Variants in IRAG2 observed in about 807,000 individuals in gnomAD.
The protein encoded by IRAG2 is lymphoid restricted membrane protein.
IRAG2 carries 45 observed loss-of-function variants against 69.9 expected under a neutral mutation model. The observed-to-expected ratio is 0.64, with a 90% CI of 0.51 to 0.83. IRAG2 has a LOEUF of 0.83. Among genes scored for constraint, IRAG2 ranks in the 40% least tolerant of loss-of-function variants. The pLI, the probability that IRAG2 is intolerant of heterozygous loss-of-function variation, is 0.00. For missense variants in IRAG2, 520 were observed against 587.0 expected (o/e 0.89, Z 1.18); for synonymous variants, 193 against 202.4 (o/e 0.95, Z 0.40).
In IRAG2 at chr12:25,079,523, G is replaced by A. The variant is rs376504871; in HGVS notation, c.136+61G>A. The A allele has an allele frequency of 2.2e-4, 331 of 1,482,768 alleles. 1 individual carries two copies. The Middle Eastern group carries it at 3.1e-3, about 14-fold the overall frequency. The allele number at this position is 1,482,768 out of a possible 1,614,324, so 91.9% of individuals were successfully genotyped here. ...TTAGTATTACAGCTTTCAGCCTGATGTTCTGTGACCTGCTGGGGTGTGAGC... is the reference window on the plus strand; with the variant it reads ...TTAGTATTACAGCTTTCAGCCTGATATTCTGTGACCTGCTGGGGTGTGAGC... On this transcript the variant is annotated intron_variant, in intron 8 of 21. Transcript: ENST00000556887.
chr12:25,004,429 G>T, exon 1 of IRAG2: 3 of 1,232,088 alleles, frequency 2.4e-6, no homozygotes, highest in Non-Finnish European at 3.0e-6. Context: ...CAAGAGAGAA[G>T]CAATTTCAAA....
At chr12:25,004,896 A>T in exon 1 of IRAG2, 1 of 1,231,534 alleles carries the variant, frequency 8.1e-7, no homozygotes, top group Non-Finnish European at 1.0e-6. Context: ...TGGTAAAAAA[A>T]TTATCTCTGA....
At chr12:25,074,408 G>T (rs1038136833) in intron 6 of IRAG2, among the ~76,000 whole-genome samples, 1 of 152,048 alleles carries the variant, frequency 6.6e-6, no homozygotes, top group Non-Finnish European at 1.5e-5. Context: ...TGTTCTTCAG[G>T]CCTCACCGAC....
intron 2 of IRAG2, among the ~76,000 whole-genome samples, chr12:25,008,341 C>A (rs925439274): frequency 3.3e-5 from 5 of 152,128 alleles, no homozygotes; most frequent in African/African-American, 1.2e-4. Flanking sequence ...GTGGCTCATA[C>A]CTGTAATCCC....
chr12:25,070,185 T>C (rs1357538314), intron 6 of IRAG2, among the ~76,000 whole-genome samples: 1 of 152,208 alleles, frequency 6.6e-6, no homozygotes, highest in African/African-American at 2.4e-5. Context: ...TTCACAGAGT[T>C]GTACAACCAT....
intron 9 of IRAG2, chr12:25,026,944 A>G: frequency 1.6e-6 from 1 of 624,204 alleles, no homozygotes; most frequent in Non-Finnish European, 2.3e-6. Flanking sequence ...TCTATGCCTC[A>G]TTGACAAACT....
At chr12:25,083,521 A>C (rs1001670138) in intron 10 of IRAG2, 28 bp downstream of exon 10, 1 of 1,379,332 alleles carries the variant, frequency 7.2e-7, no homozygotes, top group Non-Finnish European at 1.0e-6. Context: ...TTCACAACAA[A>C]GGTGGTGGTA....
chr12:25,067,605 G>A (rs1019472777), intron 5 of IRAG2, among the ~76,000 whole-genome samples: 3 of 152,010 alleles, frequency 2.0e-5, no homozygotes, highest in African/African-American at 4.8e-5. Flanking sequence ...CACAGAACTC[G>A]GGGAAACACT....
At chr12:25,074,835 A>G (rs1946574190) in intron 6 of IRAG2, among the ~76,000 whole-genome samples, 1 of 152,212 alleles carries the variant, frequency 6.6e-6, no homozygotes, top group African/African-American at 2.4e-5. Context: ...GCTTTTGTCT[A>G]AGATGTACTA....
intron 6 of IRAG2, among the ~76,000 whole-genome samples, chr12:25,073,146 A>G (rs1345113526): frequency 6.6e-6 from 1 of 152,200 alleles, no homozygotes; most frequent in Admixed American, 6.5e-5. Context: ...TCAGAAAAAA[A>G]CTAAGCTCAC....
intron 1 of IRAG2, 74 bp from the exon 2 acceptor site, chr12:25,061,518 C>T (rs1354355014): frequency 1.3e-5 from 5 of 397,728 alleles, no homozygotes; most frequent in Non-Finnish European, 2.2e-5. Flanking sequence ...GAACCAAATC[C>T]TGTCTTGAAA....
chr12:25,042,478 T>G (rs1210653472), intron 16 of IRAG2, among the ~76,000 whole-genome samples: 4 of 152,176 alleles, frequency 2.6e-5, no homozygotes, highest in Non-Finnish European at 5.9e-5. Context: ...TCTAATTTTT[T>G]TTTTATGAGA....
intron 4 of IRAG2, chr12:25,015,328 A>T: frequency 8.1e-7 from 1 of 1,231,588 alleles, no homozygotes; most frequent in East Asian, 3.2e-5. Flanking sequence ...TTTTTTTCAT[A>T]AAACTCTTGT....
At chr12:25,052,225 T>TTA, upstream of IRAG2, 2 of 391,734 alleles carry the variant, frequency 5.1e-6, no homozygotes, top group Non-Finnish European at 4.5e-6. Flanking sequence ...TTTTTTTTTT[T>TTA]TAACTCCAGT....
At chr12:25,106,606 G>A (rs1949156191) in intron 20 of IRAG2, among the ~76,000 whole-genome samples, 1 of 67,672 alleles carries the variant, frequency 1.5e-5, no homozygotes, top group African/African-American at 5.1e-5. Context: ...ATTGGTTAAT[G>A]ATGAGACTAA....
intron 2 of IRAG2, among the ~76,000 whole-genome samples, chr12:25,062,267 C>G (rs1430357353): frequency 6.6e-6 from 1 of 151,878 alleles, no homozygotes; most frequent in Non-Finnish European, 1.5e-5. Context: ...GTATCTGTTT[C>G]TAGGGCATCA....
At chr12:25,103,526 A>G (rs1472786838) in intron 17 of IRAG2, 3 of 261,432 alleles carry the variant, frequency 1.1e-5, no homozygotes, top group Non-Finnish European at 1.5e-5. Context: ...GAGAAGATAA[A>G]TACATGATTA....
chr12:25,094,476 G>A (rs1948286416), intron 14 of IRAG2, among the ~76,000 whole-genome samples: 1 of 151,962 alleles, frequency 6.6e-6, no homozygotes, highest in Admixed American at 6.6e-5. Context: ...TTTAATTATT[G>A]TAGCATTGTA....
chr12:25,107,804 G>A lies in IRAG2; in HGVS notation c.1257-13G>A. The A allele has an allele frequency of 6.2e-7, 1 of 1,602,096 alleles. No homozygotes were observed. Among genetic ancestry groups the A allele is most frequent in the South Asian group, 1.1e-5 (1 of 90,796 alleles). On this transcript the variant is annotated splice_polypyrimidine_tract_variant and intron_variant, in intron 21 of 21. Coordinates refer to ENST00000556887, the MANE Select transcript of IRAG2 (RefSeq NM_001366544.2). ...TTACCGATTACCAAATTCTATTTGT[G>A]TTTTCCTTATAGTTATGACACAATA... is the stretch of plus-strand genomic sequence containing the variant.
Sources: gnomAD v4.1 joint callset for allele counts (sites outside exome capture counted in the v4.1 genomes callset) on GRCh38, gnomAD v4.1.1 for gene constraint, MANE v1.5 for transcripts, NCBI Gene and HGNC (gene_info 2026-07-23, HGNC 2026-07-21) for gene names.